The following PPM1F variants were observed in gnomAD, a reference collection of about 807,000 sequenced individuals.
The protein encoded by PPM1F is protein phosphatase, Mg2+/Mn2+ dependent 1F.
Under a neutral mutation model 35.5 loss-of-function variants are expected in PPM1F, and 17 were observed. The ratio of observed to expected loss-of-function variants is 0.48; its 90% CI spans 0.33 to 0.72. The LOEUF (loss-of-function observed/expected upper bound fraction) is 0.72, where lower values mean the gene tolerates loss of function less well. Ranked by LOEUF, PPM1F falls within the 30% of genes least tolerant of loss-of-function variation. The pLI, the probability that PPM1F is intolerant of heterozygous loss-of-function variation, is 0.02. For synonymous variants in PPM1F, 241 were observed against 255.5 expected (o/e 0.94, Z 0.54); for missense variants, 521 against 613.0 (o/e 0.85, Z 1.59).
In PPM1F at chr22:21,925,617, T is replaced by C. The variant is rs374278330; in HGVS notation, c.937A>G (p.Met313Val). The part of the protein sequence containing the change: ...IEALGGFVSH[M>V]DCWRVNGTLA... Reference sequence around the variant, plus strand: ...GTCCCGTTGACTCTCCAGCAGTCCATGTGAGACACAAAGCCACCCAATGCT... The same window carrying C: ...GTCCCGTTGACTCTCCAGCAGTCCACGTGAGACACAAAGCCACCCAATGCT... Residue 313 changes from methionine to valine, a missense_variant, in exon 7 of 8, where the codon ATG becomes GTG. This residue lies in a region of PPM1F where 47 missense variants were observed against 92.0 expected (regional missense o/e 0.51). Coordinates refer to ENST00000263212, the MANE Select transcript of PPM1F (RefSeq NM_014634.4). 2.9e-5 allele frequency: 47 copies of C among 1,608,256 alleles called. No individual in the cohort carries two copies. The highest frequency in any genetic ancestry group is 1.5e-4 in the South Asian group (14 of 90,794).
intron 6 of PPM1F, 27 bp downstream of exon 6, chr22:21,931,121 T>C (rs757242934): frequency 4.3e-6 from 7 of 1,612,982 alleles, no homozygotes; most frequent in Non-Finnish European, 5.9e-6. Context: ...AGGAATATCC[T>C]GGGCCTGGGC....
chr22:21,934,166 T>TG lies in PPM1F; in HGVS notation c.415dup (p.Gln139ProfsTer49). 1 of 1,578,504 alleles carries TG rather than the reference T, an allele frequency of 6.3e-7. No homozygotes were observed. Among genetic ancestry groups the TG allele is most frequent in the Non-Finnish European group, 8.6e-7 (1 of 1,162,038 alleles). ...AGCCAATGGCACCTGCTTCTGCCAC[T>TG]GGCCGGCGACTTCCCAAAGGCGGTT... On this transcript the variant is annotated frameshift_variant, in exon 4 of 8. Coordinates refer to ENST00000263212, the MANE Select transcript of PPM1F (RefSeq NM_014634.4). LOFTEE classifies it high-confidence loss of function.
intron 1 of PPM1F, chr22:21,946,668 G>C (rs1183864914): frequency 6.6e-6 from 1 of 152,556 alleles, no homozygotes; most frequent in Non-Finnish European, 1.5e-5. Flanking sequence ...GATCCCCAGA[G>C]GCTGCTGGGG....
In PPM1F at chr22:21,922,826, C is replaced by T. The variant is rs41283229; in HGVS notation, c.*266G>A. ...TATGACCTCTGGTCCCACCCCGGGC[C>T]TAATAGGAGCTGGGAGCAAGAGCCG... On this transcript the variant is annotated 3_prime_UTR_variant, in exon 8 of 8. Transcript: ENST00000263212. 6.4e-6 allele frequency: 3 copies of T among 465,682 alleles called. No individual in the cohort carries two copies. The highest frequency in any genetic ancestry group is 1.1e-5 in the Non-Finnish European group (3 of 262,454). The allele number at this position is 465,682 out of a possible 1,614,324, so 28.8% of individuals were successfully genotyped here.
chr22:21,925,980 A>G lies in PPM1F; in HGVS notation c.892-318T>C, dbSNP rs768056724. 88 of 316,964 alleles carry G rather than the reference A, an allele frequency of 2.8e-4. No homozygotes were observed. The Admixed American group carries it at 2.9e-3, about 11-fold the overall frequency. The allele number at this position is 316,964 out of a possible 1,614,324, so 19.6% of individuals were successfully genotyped here. A position where few individuals can be genotyped will look rare whatever the true frequency, so the allele number is the denominator to read the frequency against. ...CTCACGAGGCTTGCGAGCCCGACACAGACAGCAGATCCTTCTGCTTCCCTG... is the reference window on the plus strand; with the variant it reads ...CTCACGAGGCTTGCGAGCCCGACACGGACAGCAGATCCTTCTGCTTCCCTG... On this transcript the variant is annotated intron_variant, in intron 6 of 7. Coordinates refer to ENST00000263212, the MANE Select transcript of PPM1F (RefSeq NM_014634.4).
intron 2 of PPM1F, chr22:21,943,091 GA>G (rs1473539704): frequency 2.0e-5 from 3 of 152,288 alleles, no homozygotes; most frequent in Admixed American, 1.3e-4. Flanking sequence ...CTGTGGACTG[GA>G]TGTTCTGACT....
chr22:21,929,207 ATCAGGATC>A (rs994608932), intron 6 of PPM1F, among the ~76,000 whole-genome samples: 1 of 152,098 alleles, frequency 6.6e-6, no homozygotes, highest in African/African-American at 2.4e-5. Flanking sequence ...GAAGGCTGTG[ATCAGGATC>A]ACAGCAGGAG....
At chr22:21,933,948 T>C in intron 4 of PPM1F, 76 bp downstream of exon 4, 1 of 1,397,104 alleles carries the variant, frequency 7.2e-7, no homozygotes. Context: ...GGGCAGCTCT[T>C]CTCGGTACCT....
intron 7 of PPM1F, among the ~76,000 whole-genome samples, chr22:21,924,334 C>T (rs1005936328): frequency 2.0e-5 from 3 of 150,064 alleles, no homozygotes; most frequent in African/African-American, 7.4e-5. Context: ...ATGGTGCAAT[C>T]TTGGCTCACC....
chr22:21,921,437 C>A lies in PPM1F; in HGVS notation c.*1655G>T, dbSNP rs553188443. 6.5e-6 allele frequency: 1 copy of A among 153,388 alleles called. No homozygotes were observed. Among genetic ancestry groups the A allele is most frequent in the South Asian group, 2.1e-4 (1 of 4,830 alleles). The allele number at this position is 153,388 out of a possible 1,614,324, so 9.5% of individuals were successfully genotyped here. A position where few individuals can be genotyped will look rare whatever the true frequency, so the allele number is the denominator to read the frequency against. The stretch of plus-strand genomic sequence containing the variant: ...CCTGCAGATGGCCTCTGAGTCCTCC[C>A]CTAGCCCCCTGCCCTCTTCCCTCTA... On this transcript the variant is annotated 3_prime_UTR_variant, in exon 8 of 8. Coordinates refer to ENST00000263212, the MANE Select transcript of PPM1F (RefSeq NM_014634.4).
At chr22:21,938,344 C>G (rs2070685863) in intron 3 of PPM1F, 5 of 1,190,894 alleles carry the variant, frequency 4.2e-6, no homozygotes, top group Admixed American at 7.0e-5. Context: ...CTGGCTCGGC[C>G]GAGAACAATG....
At chr22:21,937,970 G>T in intron 3 of PPM1F, 1 of 720,740 alleles carries the variant, frequency 1.4e-6, no homozygotes, top group Non-Finnish European at 1.9e-6. Context: ...TCCCCACTCT[G>T]ACGCAATTTT....
At chr22:21,951,985 AG>A (rs2070844201) in intron 1 of PPM1F, 1 of 152,294 alleles carries the variant, frequency 6.6e-6, no homozygotes, top group South Asian at 2.1e-4. Flanking sequence ...CCCCGTGGTG[AG>A]AGCTCAGCTG....
In PPM1F at chr22:21,934,209, G is replaced by A; in HGVS notation, c.373C>T (p.Leu125=). Residue 125 remains leucine (L), a synonymous_variant, in exon 4 of 8, where the codon CTG becomes TTG. Transcript: ENST00000263212. ...AGGCGGTTAAAGAAACTCTGTGCCA[G>A]GCTTTGGGCATCCAGCACTGATGGG... ...APVTLLDAQS[L]AQSFFNRLWE... The A allele has an allele frequency of 6.4e-7, 1 of 1,572,058 alleles. No homozygotes were observed. Among genetic ancestry groups the A allele is most frequent in the Non-Finnish European group, 8.6e-7 (1 of 1,158,024 alleles).
At position 21,921,518 on chromosome 22, in the gene PPM1F, C is replaced by T. The variant is rs1281862956; in HGVS notation, c.*1574G>A. ...CAACTTTGCACGCCCTCAGTGAGCT[C>T]CCTGAGGCACCCAGGATCGGTCACT... On this transcript the variant is annotated 3_prime_UTR_variant, in exon 8 of 8. Transcript: ENST00000263212. 1.3e-5 allele frequency: 2 copies of T among 152,452 alleles called. No homozygotes were observed. Among genetic ancestry groups the T allele is most frequent in the East Asian group, 3.9e-4 (2 of 5,186 alleles). 9.4% of individuals were successfully genotyped at this position (152,452 alleles called of 1,614,324 possible).
intron 2 of PPM1F, chr22:21,941,928 T>C (rs1204000695): frequency 6.6e-6 from 1 of 152,294 alleles, no homozygotes; most frequent in Non-Finnish European, 1.5e-5. Flanking sequence ...GTGTCTAAAA[T>C]TCTGAGCCAT....
chr22:21,927,087 A>C (rs1334080597), intron 6 of PPM1F, among the ~76,000 whole-genome samples: 1 of 152,192 alleles, frequency 6.6e-6, no homozygotes, highest in Non-Finnish European at 1.5e-5. Context: ...GCTGAGGTGG[A>C]GAATCAAGCC....
intron 3 of PPM1F, chr22:21,937,818 G>A: frequency 3.7e-6 from 1 of 273,486 alleles, no homozygotes; most frequent in South Asian, 2.9e-5. Flanking sequence ...CCCAGCCCAC[G>A]GACTCCCCAT....
chr22:21,934,366 C>T (rs574503968), intron 3 of PPM1F, 140 bp from the exon 4 acceptor site: 8 of 655,558 alleles, frequency 1.2e-5, no homozygotes, highest in African/African-American at 5.5e-5. Context: ...AACTCAATAA[C>T]GCGCACATGG....
Sources: gnomAD v4.1 joint callset for allele counts (sites outside exome capture counted in the v4.1 genomes callset) on GRCh38, gnomAD v4.1.1 for gene constraint, gnomAD v4.1.1 regional missense constraint, MANE v1.5 for transcripts, NCBI Gene and HGNC (gene_info 2026-07-23, HGNC 2026-07-21) for gene names.